Variants in KIDINS220 observed in about 807,000 individuals in gnomAD.
KIDINS220 encodes the protein kinase D interacting substrate 220.
A neutral mutation model predicts 157.6 loss-of-function variants in KIDINS220; 63 were observed. The ratio of observed to expected loss-of-function variants is 0.40; its 90% CI spans 0.33 to 0.49. The LOEUF (loss-of-function observed/expected upper bound fraction) is 0.49. Ranked by LOEUF, KIDINS220 falls within the 20% of genes least tolerant of loss-of-function variation. KIDINS220 has a pLI of 0.66. For synonymous variants in KIDINS220, 732 were observed against 783.6 expected, an observed-to-expected ratio of 0.93 and a Z score of 1.10; for missense variants, 1,772 against 2,171.2, an observed-to-expected ratio of 0.82 and a Z score of 3.65.
At chr2:8,759,529 T>A (rs754752924) in intron 22 of KIDINS220, among the ~76,000 whole-genome samples, 1 of 149,764 alleles carries the variant, frequency 6.7e-6, no homozygotes, top group Non-Finnish European at 1.5e-5. Context: ...TAGAATGTCA[T>A]CATATACAAA....
intron 26 of KIDINS220, among the ~76,000 whole-genome samples, chr2:8,744,288 G>A (rs1273758543): frequency 2.2e-5 from 3 of 135,268 alleles, no homozygotes; most frequent in African/African-American, 8.3e-5. Context: ...GCACTACAGT[G>A]TTCCTTAATG....
chr2:8,786,890 TA>T (rs1483672231), intron 15 of KIDINS220, among the ~76,000 whole-genome samples: 1 of 152,246 alleles, frequency 6.6e-6, no homozygotes, highest in Non-Finnish European at 1.5e-5. Flanking sequence ...GATTGAGAAA[TA>T]GTTGTAAAAT....
rs767433238 is a variant in KIDINS220 at position 8,796,873 on chromosome 2, TG to T, written c.1000-5del. The T allele has an allele frequency of 1.8e-5, 29 of 1,609,498 alleles. No individual in the cohort carries two copies. In the South Asian group the frequency reaches 3.1e-4, roughly 17 times the overall value. On this transcript the variant is annotated splice_region_variant and splice_polypyrimidine_tract_variant and intron_variant, in intron 10 of 29. Coordinates refer to ENST00000256707, the MANE Select transcript of KIDINS220 (RefSeq NM_020738.4). ...TTATAAGTGGCGTTTCACCATCCTGTGGGCACAAATAAGAACATTTGCCAGA... is the reference window on the plus strand; with the variant it reads ...TTATAAGTGGCGTTTCACCATCCTGTGGCACAAATAAGAACATTTGCCAGA...
At chr2:8,723,591 T>G (rs1344173545), downstream of KIDINS220, 1 of 152,234 alleles carries the variant, frequency 6.6e-6, no homozygotes, top group African/African-American at 2.4e-5. Flanking sequence ...TAGCTCAAGC[T>G]TAATCAGAGT....
chr2:8,818,184 G>A (rs1422377244), intron 3 of KIDINS220, among the ~76,000 whole-genome samples: 2 of 152,074 alleles, frequency 1.3e-5, no homozygotes, highest in African/African-American at 4.8e-5. Context: ...ATTCCTAACT[G>A]TAATATAATT....
intron 3 of KIDINS220, among the ~76,000 whole-genome samples, chr2:8,818,086 A>C (rs1300182176): frequency 6.6e-6 from 1 of 152,244 alleles, no homozygotes; most frequent in Non-Finnish European, 1.5e-5. Context: ...CAGATTTAAA[A>C]GCACATTCAC....
At chr2:8,819,652 T>C (rs1677618336) in intron 2 of KIDINS220, among the ~76,000 whole-genome samples, 1 of 151,962 alleles carries the variant, frequency 6.6e-6, no homozygotes, top group African/African-American at 2.4e-5. Context: ...GGTGAAACCC[T>C]GTCTCTACTA....
At chr2:8,725,055 C>G (rs1025699614), downstream of KIDINS220, 1 of 151,730 alleles carries the variant, frequency 6.6e-6, no homozygotes, top group African/African-American at 2.4e-5. Flanking sequence ...GGATGGTAAC[C>G]TAAAAAAGAA....
At position 8,826,966 on chromosome 2, in the gene KIDINS220, T is replaced by C. The variant is rs771261799; in HGVS notation, c.108+20A>G. The C allele has an allele frequency of 4.3e-6, 6 of 1,401,190 alleles. No homozygotes were observed. Among genetic ancestry groups the C allele is most frequent in the Non-Finnish European group, 6.1e-6 (6 of 991,398 alleles). The allele number at this position is 1,401,190 out of a possible 1,614,324, so 86.8% of individuals were successfully genotyped here. On this transcript the variant is annotated intron_variant, in intron 2 of 29. Coordinates refer to ENST00000256707, the MANE Select transcript of KIDINS220 (RefSeq NM_020738.4). ...AACAAATATTTGTGAAAGAATGTAA[T>C]TTTGCAAACTTGGTCTTACCTCATT...
At chr2:8,768,590 A>G (rs953057849) in intron 22 of KIDINS220, among the ~76,000 whole-genome samples, 2 of 152,206 alleles carry the variant, frequency 1.3e-5, no homozygotes, top group African/African-American at 4.8e-5. Context: ...AAAAAAATAA[A>G]TTTTACTACT....
At chr2:8,794,503 T>C (rs975011293) in intron 11 of KIDINS220, among the ~76,000 whole-genome samples, 2 of 152,158 alleles carry the variant, frequency 1.3e-5, no homozygotes, top group African/African-American at 4.8e-5. Flanking sequence ...AACCCTTAAA[T>C]CTCATCACTC....
intron 26 of KIDINS220, among the ~76,000 whole-genome samples, chr2:8,742,101 A>C (rs557003025): frequency 2.6e-5 from 4 of 152,120 alleles, no homozygotes; most frequent in Admixed American, 6.5e-5. Context: ...AGTGGTGAAA[A>C]TAAAAATTGT....
At chr2:8,818,459 T>C (rs1475791658) in intron 3 of KIDINS220, among the ~76,000 whole-genome samples, 1 of 152,188 alleles carries the variant, frequency 6.6e-6, no homozygotes, top group African/African-American at 2.4e-5. Flanking sequence ...TATGTACACA[T>C]GCTCTCTATT....
chr2:8,778,957 A>T lies in KIDINS220; in HGVS notation c.2553T>A (p.Asn851Lys), dbSNP rs377667176. 1 of 1,614,154 alleles carries T rather than the reference A, an allele frequency of 6.2e-7. No individual in the cohort carries two copies. Among genetic ancestry groups the T allele is most frequent in the East Asian group, 2.2e-5 (1 of 44,876 alleles). Residue 851 changes from asparagine to lysine, a missense_variant, in exon 19 of 30, where the codon AAT (asparagine) becomes AAA (lysine). Coordinates refer to ENST00000256707, the MANE Select transcript of KIDINS220 (RefSeq NM_020738.4). ...PVFLNSRGLSNARKFLVTSAT... is the reference protein window; with the variant it reads ...PVFLNSRGLSKARKFLVTSAT... ...CTGAAGTTACGAGAAATTTTCTTGC[A>T]TTGCTTAGTCCACGACTATTAAGGA...
intron 26 of KIDINS220, among the ~76,000 whole-genome samples, chr2:8,746,103 A>ATT (rs1231470460): frequency 3.8e-4 from 54 of 140,554 alleles, no homozygotes; most frequent in African/African-American, 8.7e-4. Flanking sequence ...TTATACAGTA[A>ATT]TTTTTTTTTT....
intron 12 of KIDINS220, among the ~76,000 whole-genome samples, chr2:8,791,980 G>T (rs1325325291): frequency 6.6e-6 from 1 of 152,238 alleles, no homozygotes; most frequent in East Asian, 1.9e-4. Context: ...ACTCATATAG[G>T]ATATTAACAT....
chr2:8,758,970 A>G (rs549303632), intron 22 of KIDINS220, among the ~76,000 whole-genome samples: 1 of 152,336 alleles, frequency 6.6e-6, no homozygotes, highest in South Asian at 2.1e-4. Context: ...CAGAAGAGAA[A>G]AGAGGCATCT....
chr2:8,767,856 T>C (rs1351469634), intron 22 of KIDINS220, among the ~76,000 whole-genome samples: 1 of 152,202 alleles, frequency 6.6e-6, no homozygotes, highest in East Asian at 1.9e-4. Flanking sequence ...AAATTAGATG[T>C]CCATATTGTC....
intron 13 of KIDINS220, among the ~76,000 whole-genome samples, chr2:8,790,628 A>G (rs748119671): frequency 6.6e-6 from 1 of 152,162 alleles, no homozygotes; most frequent in South Asian, 2.1e-4. Context: ...AGAATAAGTA[A>G]GCTTTTGCCA....
Sources: allele counts gnomAD v4.1 joint callset (sites outside exome capture counted in the v4.1 genomes callset), GRCh38; gene constraint gnomAD v4.1.1; transcripts MANE v1.5; gene names NCBI Gene and HGNC (gene_info 2026-07-23, HGNC 2026-07-21).